The following ZNF880 variants were observed in gnomAD, a reference collection of about 807,000 sequenced individuals.
ZNF880 encodes the protein zinc finger protein 880, also known as zinc finger protein LOC400713.
In ZNF880, 12 loss-of-function variants were observed where a neutral mutation model predicts 11.8. The observed-to-expected ratio is 1.02, with a 90% CI of 0.65 to 1.65. The LOEUF is 1.65. Ranked by LOEUF, ZNF880 falls within the 40% of genes most tolerant of loss-of-function variation. The pLI, the probability that ZNF880 is intolerant of heterozygous loss-of-function variation, is 0.00. For synonymous variants in ZNF880, 210 were observed against 232.4 expected (o/e 0.90, Z 0.88); for missense variants, 601 against 673.9 (o/e 0.89, Z 1.20).
downstream of ZNF880, among the ~76,000 whole-genome samples, chr19:52,386,257 C>T (rs887907823): frequency 9.8e-5 from 14 of 142,300 alleles, 1 homozygote; most frequent in African/African-American, 3.6e-4. Context: ...ATCAGTTTGC[C>T]GAGGAAGAAG....
At position 52,369,940 on chromosome 19, in the gene ZNF880, G is replaced by C; in HGVS notation, c.-26G>C. 1 of 1,551,636 alleles carries C rather than the reference G, an allele frequency of 6.4e-7. No homozygotes were observed. Among genetic ancestry groups the C allele is most frequent in the Non-Finnish European group, 8.7e-7 (1 of 1,146,982 alleles). ...GCGCGCGCAGTTTCCTGGAGACCCG[G>C]AAGCAGATTACGTGGAGTGACGGTC... On this transcript the variant is annotated 5_prime_UTR_variant, in exon 1 of 4. Transcript: ENST00000422689.
At chr19:52,378,826 C>T (rs146161161) in intron 3 of ZNF880, among the ~76,000 whole-genome samples, 103 of 152,118 alleles carry the variant, frequency 6.8e-4, no homozygotes, top group African/African-American at 2.4e-3. Flanking sequence ...ACTTGTAATC[C>T]TAGCACTTTG....
At chr19:52,393,944 C>G in the ZNF880 span, among the ~76,000 whole-genome samples, 3 of 146,912 alleles carry the variant, frequency 2.0e-5, no homozygotes. Context: ...TCACGCCATT[C>G]TCCTGCCTCG....
chr19:52,386,956 G>A (rs1425153605), downstream of ZNF880, among the ~76,000 whole-genome samples: 3 of 144,100 alleles, frequency 2.1e-5, 1 homozygote, highest in Admixed American at 6.8e-5. Context: ...AATGTACATA[G>A]TTCTCATGTT....
rs869288387 is a variant in ZNF880, at chr19:52,376,509, C to CTTTTTTTTTTTTT, written c.268+2088_268+2100dup. Among the ~76,000 whole-genome samples, 24 of 58,322 alleles carry CTTTTTTTTTTTTT rather than the reference C, an allele frequency of 4.1e-4. 5 individuals carry two copies. Among genetic ancestry groups the CTTTTTTTTTTTTT allele is most frequent in the East Asian group, 7.5e-4 (1 of 1,338 alleles). 38.3% of individuals were successfully genotyped at this position (58,322 alleles called of 152,430 possible). On this transcript the variant is annotated intron_variant, in intron 3 of 3. Coordinates refer to ENST00000422689, the MANE Select transcript of ZNF880 (RefSeq NM_001145434.2). ...GTCCTTAGCACCGCCCCCCCCCCCCCTTTTTTTTTTTTTTTTTTGAGACAG... is the reference window on the plus strand; with the variant it reads ...GTCCTTAGCACCGCCCCCCCCCCCCCTTTTTTTTTTTTTTTTTTTTTTTTTTTTTTTGAGACAG...
At position 52,369,928 on chromosome 19, in the gene ZNF880, C is replaced by T. The variant is rs1167760543; in HGVS notation, c.-38C>T. 5.8e-6 allele frequency: 9 copies of T among 1,551,640 alleles called. No individual in the cohort carries two copies. The East Asian group carries it at 1.2e-4, about 21-fold the overall frequency. On this transcript the variant is annotated 5_prime_UTR_variant, in exon 1 of 4. Coordinates refer to ENST00000422689, the MANE Select transcript of ZNF880 (RefSeq NM_001145434.2). The stretch of plus-strand genomic sequence containing the variant: ...CGCCTCTCAGCTGCGCGCGCAGTTT[C>T]CTGGAGACCCGGAAGCAGATTACGT...
At chr19:52,381,851 A>T (rs11084150) in intron 3 of ZNF880, among the ~76,000 whole-genome samples, 54,727 of 151,730 alleles carry the variant, frequency 0.36, 10,104 homozygotes, top group South Asian at 0.51. Flanking sequence ...AGAAAGGTCT[A>T]CTTCACAACT....
At chr19:52,374,629 A>G in intron 3 of ZNF880, 1 of 702,604 alleles carries the variant, frequency 1.4e-6, no homozygotes, top group East Asian at 2.7e-5. Context: ...GAGCCACTGT[A>G]CCCTGCAAAA....
the ZNF880 span, chr19:52,391,103 C>T: frequency 6.6e-6 from 1 of 152,176 alleles, no homozygotes; most frequent in Non-Finnish European, 1.5e-5. Flanking sequence ...GGGAGAGGGG[C>T]AGAAAAGGGG....
At chr19:52,394,059 T>C in the ZNF880 span, among the ~76,000 whole-genome samples, 1 of 151,836 alleles carries the variant, frequency 6.6e-6, no homozygotes, top group African/African-American at 2.4e-5. Context: ...CAGGATAGTC[T>C]CGATCTCCTG....
chr19:52,387,637 C>T (rs1025447160), downstream of ZNF880, among the ~76,000 whole-genome samples: 2 of 141,804 alleles, frequency 1.4e-5, no homozygotes, highest in Non-Finnish European at 3.1e-5. Context: ...TTATTAGAGA[C>T]GGGGTTTCAC....
the ZNF880 span, chr19:52,397,663 C>A: frequency 1.3e-5 from 2 of 152,016 alleles, no homozygotes; most frequent in Admixed American, 1.3e-4. Context: ...TTGCTCTGCG[C>A]AGGTAAGATC....
At chr19:52,370,524 C>A (rs1006017103) in intron 1 of ZNF880, 1 of 153,772 alleles carries the variant, frequency 6.5e-6, no homozygotes, top group Admixed American at 6.4e-5. Context: ...TGGGCCGGGG[C>A]TGGAATTCCA....
In ZNF880 at chr19:52,374,353, C is replaced by T. The variant is rs1283598587; in HGVS notation, c.194C>T (p.Pro65Leu). ...TCCATGTTGGAGCAAAGGAGAGATC[C>T]CCGGAATCTGCAGAGTGAAGTGAAA... ...VISMLEQRRD[P>L]RNLQSEVKIA... The change falls in exon 3 of 4, where the codon CCC becomes CTC. Residue 65 changes from proline (P) to leucine (L), a missense_variant. By Grantham distance (98) the Pro-to-Leu change is moderately conservative (BLOSUM62 -3). Coordinates refer to ENST00000422689, the MANE Select transcript of ZNF880 (RefSeq NM_001145434.2). 1 of 1,613,608 alleles carries T rather than the reference C, an allele frequency of 6.2e-7. No homozygotes were observed. The highest frequency in any genetic ancestry group is 8.5e-7 in the Non-Finnish European group (1 of 1,179,856).
chr19:52,386,662 C>T (rs1165380664), downstream of ZNF880, among the ~76,000 whole-genome samples: 1 of 141,818 alleles, frequency 7.1e-6, no homozygotes, highest in African/African-American at 2.8e-5. Context: ...ATTAGCTGAG[C>T]GTGGTGGTAG....
chr19:52,376,549 G>A (rs1262762719), intron 3 of ZNF880, among the ~76,000 whole-genome samples: 5 of 104,130 alleles, frequency 4.8e-5, no homozygotes, highest in African/African-American at 3.8e-5. Context: ...TTGCTCTGTC[G>A]CCCAGGCTGG....
At chr19:52,379,524 G>C in intron 3 of ZNF880, 1 of 436,830 alleles carries the variant, frequency 2.3e-6, no homozygotes, top group Non-Finnish European at 4.6e-6. Flanking sequence ...GCCTCCCCAA[G>C]TGCTAGGATT....
the ZNF880 span, among the ~76,000 whole-genome samples, chr19:52,392,145 G>C: frequency 1.3e-5 from 2 of 151,998 alleles, no homozygotes; most frequent in Non-Finnish European, 2.9e-5. Context: ...AATTTACTGA[G>C]GTGTACCATT....
intron 3 of ZNF880, among the ~76,000 whole-genome samples, chr19:52,378,028 T>A (rs1986604025): frequency 1.3e-5 from 2 of 152,072 alleles, no homozygotes; most frequent in African/African-American, 4.8e-5. Context: ...CAGCCCCTCT[T>A]CCCTTCCTGG....
Sources: allele counts gnomAD v4.1 joint callset (sites outside exome capture counted in the v4.1 genomes callset), GRCh38; gene constraint gnomAD v4.1.1; transcripts MANE v1.5; gene names NCBI Gene and HGNC (gene_info 2026-07-23, HGNC 2026-07-21).